Variants in AUH observed in about 807,000 individuals in gnomAD.
The protein encoded by AUH is methylglutaconyl-CoA hydratase, mitochondrial.
In AUH, 29 loss-of-function variants were observed where a neutral mutation model predicts 42.3. The observed-to-expected ratio is 0.69, with a 90% CI of 0.51 to 0.93. The LOEUF (loss-of-function observed/expected upper bound fraction) is 0.93. Among genes scored for constraint, AUH ranks in the 40% least tolerant of loss-of-function variants. The pLI is 0.00. For synonymous variants in AUH, 174 were observed against 166.4 expected (o/e 1.05, Z -0.35); for missense variants, 452 against 438.1 (o/e 1.03, Z -0.28).
intron 3 of AUH, among the ~76,000 whole-genome samples, chr9:91,339,688 TC>T (rs1411770385): frequency 6.6e-6 from 1 of 152,160 alleles, no homozygotes; most frequent in East Asian, 1.9e-4. Context: ...TCAATACCAT[TC>T]CCCACTAATA....
chr9:91,314,252 C>T (rs1828965801), intron 4 of AUH, among the ~76,000 whole-genome samples: 1 of 152,054 alleles, frequency 6.6e-6, no homozygotes, highest in Non-Finnish European at 1.5e-5. Context: ...TGCCTGTAAT[C>T]CCAGCACTTC....
intron 6 of AUH, among the ~76,000 whole-genome samples, chr9:91,273,603 C>T (rs544658391): frequency 2.0e-5 from 3 of 152,250 alleles, no homozygotes; most frequent in African/African-American, 7.2e-5. Flanking sequence ...TATTTAAGGT[C>T]GCTCAAAATA....
intron 8 of AUH, among the ~76,000 whole-genome samples, chr9:91,216,389 G>C (rs1826822822): frequency 6.6e-6 from 1 of 152,022 alleles, no homozygotes; most frequent in African/African-American, 2.4e-5. Context: ...CACCAAATGG[G>C]AGTATTGTGA....
At chr9:91,344,483 A>G (rs900034972) in intron 3 of AUH, among the ~76,000 whole-genome samples, 6 of 152,220 alleles carry the variant, frequency 3.9e-5, no homozygotes, top group African/African-American at 1.4e-4. Flanking sequence ...CTGGTCACTC[A>G]TATTTGGCTC....
intron 6 of AUH, among the ~76,000 whole-genome samples, chr9:91,284,614 C>T (rs115716050): frequency 0.03 from 4,493 of 151,932 alleles, 110 homozygotes; most frequent in African/African-American, 0.066. Context: ...AATAAACTTA[C>T]GAGAAAAAAA....
intron 6 of AUH, among the ~76,000 whole-genome samples, chr9:91,265,270 C>T (rs916515132): frequency 3.1e-4 from 46 of 146,620 alleles, no homozygotes; most frequent in African/African-American, 1.1e-3. Context: ...CACATATTTG[C>T]TCTTGCATTT....
intron 7 of AUH, chr9:91,219,071 G>A (rs1040505629): frequency 1.0e-6 from 1 of 974,744 alleles, no homozygotes; most frequent in African/African-American, 1.8e-5. Flanking sequence ...CACACAATGG[G>A]ATGCGGCTCG....
At position 91,359,164 on chromosome 9, in the gene AUH, G is replaced by A. The variant is rs1832663093; in HGVS notation, c.262+2464C>T. 2.0e-5 allele frequency among the ~76,000 whole-genome samples: 3 copies of A among 152,088 alleles called. No homozygotes were observed. The South Asian group carries it at 6.2e-4, about 32-fold the overall frequency. The stretch of plus-strand genomic sequence containing the variant: ...CCTGCTCTATAAAGCTCACACAACT[G>A]AAAGATGAATGTAACAACTTTGCTG... On this transcript the variant is annotated intron_variant, in intron 1 of 9. Transcript: ENST00000375731.
chr9:91,236,753 G>A (rs1233099948), intron 6 of AUH, among the ~76,000 whole-genome samples: 2 of 152,190 alleles, frequency 1.3e-5, no homozygotes, highest in Non-Finnish European at 2.9e-5. Flanking sequence ...GACAGTATGA[G>A]ACAATGTATA....
chr9:91,332,200 A>G (rs1830375844), intron 3 of AUH, among the ~76,000 whole-genome samples: 1 of 152,200 alleles, frequency 6.6e-6, no homozygotes, highest in South Asian at 2.1e-4. Context: ...TCCGCATTAA[A>G]ACATACCGCA....
At chr9:91,324,103 T>C (rs1829794307) in intron 4 of AUH, among the ~76,000 whole-genome samples, 1 of 152,110 alleles carries the variant, frequency 6.6e-6, no homozygotes, top group African/African-American at 2.4e-5. Context: ...GAGGACAATA[T>C]CTATAACACA....
intron 6 of AUH, among the ~76,000 whole-genome samples, chr9:91,235,646 G>C (rs1406469429): frequency 1.3e-5 from 2 of 152,184 alleles, no homozygotes; most frequent in Non-Finnish European, 2.9e-5. Context: ...CTGGACAGGT[G>C]CTCACTGAGG....
At chr9:91,309,489 A>C (rs2131743399) in intron 4 of AUH, among the ~76,000 whole-genome samples, 1 of 152,202 alleles carries the variant, frequency 6.6e-6, no homozygotes, top group East Asian at 1.9e-4. Context: ...GCCATAATAA[A>C]AGAATGAAAC....
intron 6 of AUH, among the ~76,000 whole-genome samples, chr9:91,227,660 G>A (rs1827591704): frequency 7.0e-6 from 1 of 142,270 alleles, no homozygotes; most frequent in African/African-American, 2.6e-5. Flanking sequence ...TCCAGTTTTT[G>A]CCCATTCAGT....
At chr9:91,300,136 C>A in intron 4 of AUH, among the ~76,000 whole-genome samples, 1 of 152,298 alleles carries the variant, frequency 6.6e-6, no homozygotes, top group South Asian at 2.1e-4. Flanking sequence ...CCTCCCTTCA[C>A]TGCCTGCTGG....
rs560625469 is a variant in AUH at position 91,274,339 on chromosome 9, C to G, written c.655+21682G>C. ...ATCAAATGAAACAGTTCCTTCCCTA[C>G]TGGCACTCAGAGTGTTATGATGACA... On this transcript the variant is annotated intron_variant, in intron 6 of 9. Coordinates refer to ENST00000375731, the MANE Select transcript of AUH (RefSeq NM_001698.3). Among the ~76,000 whole-genome samples the G allele has an allele frequency of 2.9e-4, 44 of 152,306 alleles. 1 individual carries two copies. The South Asian group carries it at 8.9e-3, about 31-fold the overall frequency.
intron 6 of AUH, among the ~76,000 whole-genome samples, chr9:91,290,712 T>A (rs560259398): frequency 6.6e-5 from 10 of 152,198 alleles, no homozygotes; most frequent in Non-Finnish European, 1.2e-4. Flanking sequence ...GAGGTTGTTA[T>A]AGCATAATCT....
chr9:91,299,531 G>C (rs898470041), intron 4 of AUH, among the ~76,000 whole-genome samples: 4 of 151,884 alleles, frequency 2.6e-5, no homozygotes, highest in Admixed American at 2.6e-4. Flanking sequence ...TTAGGGGTTG[G>C]GGGTGGGGAG....
intron 6 of AUH, among the ~76,000 whole-genome samples, chr9:91,286,343 G>GA (rs1292840870): frequency 6.6e-6 from 1 of 151,842 alleles, no homozygotes; most frequent in African/African-American, 2.4e-5. Flanking sequence ...CCAGGGAGGG[G>GA]AAAAAAAGAC....
Sources: allele counts gnomAD v4.1 joint callset (sites outside exome capture counted in the v4.1 genomes callset), GRCh38; gene constraint gnomAD v4.1.1; transcripts MANE v1.5; gene names NCBI Gene and HGNC (gene_info 2026-07-23, HGNC 2026-07-21).